Variants in GRIA3 observed in about 807,000 individuals in gnomAD.
GRIA3 encodes glutamate receptor 3.
GRIA3 carries 3 observed loss-of-function variants against 63.0 expected under a neutral mutation model. The ratio of observed to expected loss-of-function variants is 0.05; its 90% CI spans 0.02 to 0.12. The LOEUF (loss-of-function observed/expected upper bound fraction) is 0.12, where lower values mean the gene tolerates loss of function less well. Ranked by LOEUF, GRIA3 falls within the 10% of genes least tolerant of loss-of-function variation. GRIA3 has a pLI of 1.00. For missense variants in GRIA3, 347 were observed against 700.9 expected, an observed-to-expected ratio of 0.50 and a Z score of 5.70; for synonymous variants, 274 against 257.9, an observed-to-expected ratio of 1.06 and a Z score of -0.60.
intron 2 of GRIA3, among the ~76,000 whole-genome samples, chrX:123,234,394 C>G (rs183105773): frequency 4.5e-5 from 5 of 112,073 alleles, no homozygotes; most frequent in Non-Finnish European, 9.4e-5. Flanking sequence ...TGTACTTTCT[C>G]TCTTGGAATC....
At chrX:123,391,341 G>T (rs1420650321) in intron 5 of GRIA3, among the ~76,000 whole-genome samples, 1 of 111,083 alleles carries the variant, frequency 9.0e-6, no homozygotes, top group African/African-American at 3.3e-5. Flanking sequence ...GGTGTTGGTT[G>T]GGTAGGACAC....
intron 3 of GRIA3, among the ~76,000 whole-genome samples, chrX:123,306,376 A>G (rs1166510792): frequency 8.9e-6 from 1 of 112,044 alleles, no homozygotes; most frequent in Non-Finnish European, 1.9e-5. Flanking sequence ...GGGAGGGAGT[A>G]AATTAACATT....
intron 3 of GRIA3, among the ~76,000 whole-genome samples, chrX:123,308,558 C>T (rs990603722): frequency 5.4e-5 from 6 of 111,865 alleles, no homozygotes. Context: ...ACAATAGCAT[C>T]CTTTCATATT....
chrX:123,420,110 T>C (rs2045556701), intron 11 of GRIA3, among the ~76,000 whole-genome samples: 1 of 111,965 alleles, frequency 8.9e-6, no homozygotes, highest in African/African-American at 3.2e-5. Flanking sequence ...CTGTAGGTTT[T>C]GGTAAACTTG....
At chrX:123,391,306 G>C (rs1175322002) in intron 5 of GRIA3, among the ~76,000 whole-genome samples, 1 of 110,538 alleles carries the variant, frequency 9.0e-6, no homozygotes, top group Non-Finnish European at 1.9e-5. Context: ...TGTAGGGGAG[G>C]ACTTTTTCCT....
intron 4 of GRIA3, among the ~76,000 whole-genome samples, chrX:123,328,840 T>A (rs776750458): frequency 2.4e-4 from 27 of 112,392 alleles, no homozygotes; most frequent in African/African-American, 8.4e-4. Flanking sequence ...CTTATTCCAA[T>A]GATCCAGTGA....
rs763456586 is a variant in GRIA3, at chrX:123,282,295, CTG to C, written c.508+28757_508+28758del. ...GATCTGTAGTATTATACGGACTACCCTGTGTCCCCCTCCTCTTTCCCTTCACT... is the reference window on the plus strand; with the variant it reads ...GATCTGTAGTATTATACGGACTACCCTGTCCCCCTCCTCTTTCCCTTCACT... On this transcript the variant is annotated intron_variant, in intron 3 of 15. Transcript: ENST00000620443. Among the ~76,000 whole-genome samples the C allele has an allele frequency of 2.7e-5, 3 of 112,248 alleles. No homozygotes were observed. In the South Asian group the frequency reaches 1.1e-3, roughly 42 times the overall value.
intron 3 of GRIA3, among the ~76,000 whole-genome samples, chrX:123,277,087 G>A (rs2044558762): frequency 1.2e-5 from 1 of 84,786 alleles, no homozygotes; most frequent in South Asian, 4.9e-4. Context: ...GAACTCCTCT[G>A]CCTGTTTTTT....
At chrX:123,213,560 T>C (rs1260389816) in intron 2 of GRIA3, among the ~76,000 whole-genome samples, 2 of 112,246 alleles carry the variant, frequency 1.8e-5, no homozygotes, top group African/African-American at 6.5e-5. Context: ...GAAGTAAAAA[T>C]CAAACCAGCA....
chrX:123,396,906 G>C (rs2045417134), intron 6 of GRIA3, among the ~76,000 whole-genome samples: 1 of 112,127 alleles, frequency 8.9e-6, no homozygotes, highest in Non-Finnish European at 1.9e-5. Context: ...AGGTAGAAGA[G>C]AGAAATTCAT....
chrX:123,404,925 T>C lies in GRIA3; in HGVS notation c.1500+11T>C. On this transcript the variant is annotated intron_variant, in intron 10 of 15. Transcript: ENST00000620443. ...GAACTTGTCTATGGGGTGAGTTTTT[T>C]CCAATTCTGTTTTCATTTATTCTGT... 1 of 1,112,872 alleles carries C rather than the reference T, an allele frequency of 9.0e-7. No individual in the cohort carries two copies. The highest frequency in any genetic ancestry group is 1.2e-6 in the Non-Finnish European group (1 of 805,029). 91.7% of individuals were successfully genotyped at this position (1,112,872 alleles called of 1,213,427 possible).
At chrX:123,248,578 G>A (rs1341324289) in intron 2 of GRIA3, among the ~76,000 whole-genome samples, 1 of 111,426 alleles carries the variant, frequency 9.0e-6, no homozygotes, top group Non-Finnish European at 1.9e-5. Flanking sequence ...CTGAGGTCGG[G>A]AGTTCGAGAC....
chrX:123,466,670 C>T (rs1054761586), intron 13 of GRIA3, among the ~76,000 whole-genome samples: 1 of 112,313 alleles, frequency 8.9e-6, no homozygotes, highest in African/African-American at 3.2e-5. Flanking sequence ...AAACACACTT[C>T]GGGTAAGTAC....
intron 4 of GRIA3, among the ~76,000 whole-genome samples, chrX:123,330,921 CAAGTA>C (rs1452500350): frequency 8.9e-6 from 1 of 112,016 alleles, no homozygotes; most frequent in Non-Finnish European, 1.9e-5. Context: ...TGTGTGTTGA[CAAGTA>C]AATATCCTTA....
intron 4 of GRIA3, among the ~76,000 whole-genome samples, chrX:123,339,039 G>A (rs1288605758): frequency 8.9e-6 from 1 of 111,760 alleles, no homozygotes; most frequent in Non-Finnish European, 1.9e-5. Context: ...TGTCAGATAG[G>A]AATTTCCCTT....
chrX:123,447,494 G>T (rs1312371605), intron 12 of GRIA3, among the ~76,000 whole-genome samples: 1 of 111,281 alleles, frequency 9.0e-6, no homozygotes, highest in African/African-American at 3.3e-5. Flanking sequence ...TACTTTGGAG[G>T]GTTTTCAGAC....
intron 12 of GRIA3, among the ~76,000 whole-genome samples, chrX:123,456,593 C>T (rs2045762855): frequency 9.1e-6 from 1 of 110,370 alleles, no homozygotes; most frequent in African/African-American, 3.3e-5. Context: ...CCCTTATAGT[C>T]CTACCCCACC....
intron 3 of GRIA3, among the ~76,000 whole-genome samples, chrX:123,306,625 C>T (rs945334531): frequency 1.8e-5 from 2 of 111,972 alleles, no homozygotes; most frequent in African/African-American, 6.5e-5. Flanking sequence ...ATAATCACAG[C>T]CTCAGCCAGC....
In GRIA3 at chrX:123,446,995, G is replaced by A. The variant is rs146185536; in HGVS notation, c.2077-17870G>A. On this transcript the variant is annotated intron_variant, in intron 12 of 15. Coordinates refer to ENST00000620443, the MANE Select transcript of GRIA3 (RefSeq NM_007325.5). The stretch of plus-strand genomic sequence containing the variant: ...GTATTTCTTTGGTAATAACGTACTG[G>A]CACAGAAACAGGGACTTATGTGAAA... Among the ~76,000 whole-genome samples, 478 of 112,331 alleles carry A rather than the reference G, an allele frequency of 4.3e-3. 1 individual carries two copies. Among genetic ancestry groups the A allele is most frequent in the African/African-American group, 0.015 (453 of 30,967 alleles).
Sources: gnomAD v4.1 joint callset for allele counts (sites outside exome capture counted in the v4.1 genomes callset) on GRCh38, gnomAD v4.1.1 for gene constraint, MANE v1.5 for transcripts, NCBI Gene and HGNC (gene_info 2026-07-23, HGNC 2026-07-21) for gene names.